Variants in SNX13 observed in about 807,000 individuals in gnomAD.
SNX13 encodes sorting nexin-13.
SNX13 carries 45 observed loss-of-function variants against 133.6 expected under a neutral mutation model. That is an observed-to-expected ratio of 0.34 (90% CI 0.27 to 0.43). The LOEUF is 0.43. Among genes scored for constraint, SNX13 ranks in the 20% least tolerant of loss-of-function variants. The probability of loss-of-function intolerance (pLI) is 1.00; values close to 1 mark genes in which losing one functional copy is unlikely to be tolerated. For synonymous variants in SNX13, 414 were observed against 373.9 expected, an observed-to-expected ratio of 1.11 and a Z score of -1.24; for missense variants, 1,032 against 1,145.1, an observed-to-expected ratio of 0.90 and a Z score of 1.43.
At chr7:17,914,884 T>C (rs1255823700) in intron 1 of SNX13, among the ~76,000 whole-genome samples, 3 of 152,140 alleles carry the variant, frequency 2.0e-5, no homozygotes, top group Admixed American at 2.0e-4. Flanking sequence ...AGTATTACCC[T>C]TGAATGTAAA....
chr7:17,799,268 T>G (rs766139613), intron 22 of SNX13, 114 bp from the exon 23 acceptor site: 12 of 871,576 alleles, frequency 1.4e-5, no homozygotes, highest in Non-Finnish European at 2.0e-5. Context: ...ACAAGTTACA[T>G]TTTAGCCTTT....
intron 18 of SNX13, among the ~76,000 whole-genome samples, chr7:17,818,060 G>C (rs1014177664): frequency 3.3e-5 from 5 of 152,124 alleles, no homozygotes; most frequent in African/African-American, 1.2e-4. Context: ...GACCCACTAA[G>C]AGACAACAGG....
intron 9 of SNX13, among the ~76,000 whole-genome samples, chr7:17,853,269 A>G (rs544598443): frequency 2.6e-5 from 4 of 152,152 alleles, no homozygotes; most frequent in Non-Finnish European, 5.9e-5. Context: ...AATAAAGTTA[A>G]AGAGGTAAAG....
chr7:17,850,484 A>G, intron 10 of SNX13, 49 bp from the exon 11 acceptor site: 2 of 1,157,830 alleles, frequency 1.7e-6, no homozygotes, highest in Non-Finnish European at 2.4e-6. Context: ...TTATTTATGA[A>G]ATACTTTAAA....
chr7:17,831,559 G>A, intron 15 of SNX13: 3 of 984,120 alleles, frequency 3.0e-6, no homozygotes, highest in Non-Finnish European at 2.4e-6. Context: ...TTCTACTCAA[G>A]CAAAGAAAAA....
intron 1 of SNX13, among the ~76,000 whole-genome samples, chr7:17,928,602 TG>T (rs1466556698): frequency 3.3e-5 from 5 of 151,790 alleles, no homozygotes; most frequent in Non-Finnish European, 7.4e-5. Context: ...CAAACACAAC[TG>T]ATTAACTTAG....
chr7:17,884,901 C>T (rs1795804593), intron 5 of SNX13, among the ~76,000 whole-genome samples: 1 of 152,128 alleles, frequency 6.6e-6, no homozygotes, highest in African/African-American at 2.4e-5. Context: ...AGCCTTCATA[C>T]ACTGCTGGTG....
chr7:17,913,955 G>T (rs764314515), intron 1 of SNX13, among the ~76,000 whole-genome samples: 7 of 151,812 alleles, frequency 4.6e-5, no homozygotes, highest in Non-Finnish European at 1.0e-4. Flanking sequence ...ATGGAGCAAA[G>T]AAACTCAATG....
intron 1 of SNX13, among the ~76,000 whole-genome samples, chr7:17,924,254 G>C (rs1234931667): frequency 6.6e-6 from 1 of 152,034 alleles, no homozygotes; most frequent in East Asian, 1.9e-4. Context: ...ACTTCTACTC[G>C]AAATATACAA....
chr7:17,881,722 G>A (rs1795375532), intron 5 of SNX13: 2 of 152,042 alleles, frequency 1.3e-5, no homozygotes, highest in South Asian at 2.1e-4. Flanking sequence ...CTATTAGAAA[G>A]GATATACTAC....
rs2128282813 is a variant in SNX13, at chr7:17,796,820, C to T, written c.2626+7G>A. 3 of 1,571,640 alleles carry T rather than the reference C, an allele frequency of 1.9e-6. No homozygotes were observed. The highest frequency in any genetic ancestry group is 2.6e-6 in the Non-Finnish European group (3 of 1,143,074). ...ATAAAGATTTTTAACTATACATGCT[C>T]ACTCACCTGGCATAATTGCAAGTAA... On this transcript the variant is annotated splice_region_variant and intron_variant, in intron 25 of 25. Transcript: ENST00000428135.
chr7:17,817,320 CAACAGCCTAGTGCTGAAATTCA>C (rs1447941542), intron 18 of SNX13, among the ~76,000 whole-genome samples: 1 of 152,182 alleles, frequency 6.6e-6, no homozygotes, highest in Non-Finnish European at 1.5e-5. Flanking sequence ...TGTACCTGAC[CAACAGCCTAGTGCTGAAATTCA>C]AACAGCCTTA....
rs186791729 is a variant in SNX13 at position 17,938,669 on chromosome 7, G to T, written c.12+1615C>A. 5.3e-5 allele frequency among the ~76,000 whole-genome samples: 8 copies of T among 152,278 alleles called. No homozygotes were observed. The East Asian group carries it at 1.5e-3, about 29-fold the overall frequency. ...AAACGCAAAATTGCATTAAAATACA[G>T]AAGCTGAGAAAGCTCCATCTTTCCA... is the stretch of plus-strand genomic sequence containing the variant. On this transcript the variant is annotated intron_variant, in intron 1 of 25. Transcript: ENST00000428135.
rs36046893 is a variant in SNX13 at position 17,844,746 on chromosome 7, CA to C, written c.1165+848del. Among the ~76,000 whole-genome samples, 1,293 of 133,960 alleles carry C rather than the reference CA, an allele frequency of 9.7e-3. 6 individuals are homozygous for C. The highest frequency in any genetic ancestry group is 0.019 in the African/African-American group (702 of 36,598). The allele number at this position is 133,960 out of a possible 152,430, so 87.9% of individuals were successfully genotyped here. On this transcript the variant is annotated intron_variant, in intron 12 of 25. Coordinates refer to ENST00000428135, the MANE Select transcript of SNX13 (RefSeq NM_015132.5). Reference sequence around the variant, plus strand: ...TGGAATCCAAAGATGGTTGAACATACAAAAAAAAAAAAATCAGTCTAATACA... The same window carrying C: ...TGGAATCCAAAGATGGTTGAACATACAAAAAAAAAAAATCAGTCTAATACA...
chr7:17,901,421 T>G (rs1777143009), intron 1 of SNX13, among the ~76,000 whole-genome samples: 1 of 152,090 alleles, frequency 6.6e-6, no homozygotes, highest in Non-Finnish European at 1.5e-5. Flanking sequence ...GCCTTTCAAG[T>G]TTACTTAGGA....
Position 17,878,755 on chromosome 7 carries a change from G to A in SNX13, c.441-2965C>T, listed in dbSNP as rs1465685647. ...ACACCTTCTCTAAGATCTTCCATAC[G>A]GAAAGCCCTTGTGTATTTCCTCATC... is the stretch of plus-strand genomic sequence containing the variant. On this transcript the variant is annotated intron_variant, in intron 5 of 25. Coordinates refer to ENST00000428135, the MANE Select transcript of SNX13 (RefSeq NM_015132.5). Among the ~76,000 whole-genome samples, 12 of 151,978 alleles carry A rather than the reference G, an allele frequency of 7.9e-5. 1 individual carries two copies. Among genetic ancestry groups the A allele is most frequent in the South Asian group, 2.1e-4 (1 of 4,820 alleles).
chr7:17,818,084 G>A (rs1012045346), intron 18 of SNX13, among the ~76,000 whole-genome samples: 1 of 152,124 alleles, frequency 6.6e-6, no homozygotes, highest in Non-Finnish European at 1.5e-5. Context: ...GCATCACATA[G>A]AGAAATGGCC....
At chr7:17,918,984 C>T (rs965615978) in intron 1 of SNX13, among the ~76,000 whole-genome samples, 6 of 152,128 alleles carry the variant, frequency 3.9e-5, no homozygotes, top group African/African-American at 1.2e-4. Context: ...GCAAAATTAA[C>T]ACAAAAACAG....
rs569006885 is a variant in SNX13, at chr7:17,864,036, C to A, written c.837+4371G>T. Among the ~76,000 whole-genome samples the A allele has an allele frequency of 2.6e-5, 4 of 152,284 alleles. No homozygotes were observed. In the South Asian group the frequency reaches 8.3e-4, roughly 32 times the overall value. ...GGTTACAACATTCAATCCCTTTTGA[C>A]TTCATGAAAAGCCTTCTCAACAAGG... On this transcript the variant is annotated intron_variant, in intron 9 of 25. Transcript: ENST00000428135.
Sources: gnomAD v4.1 joint callset for allele counts (sites outside exome capture counted in the v4.1 genomes callset) on GRCh38, gnomAD v4.1.1 for gene constraint, MANE v1.5 for transcripts, NCBI Gene and HGNC (gene_info 2026-07-23, HGNC 2026-07-21) for gene names.